The following DERA variants were observed in gnomAD, a reference collection of about 807,000 sequenced individuals.
DERA encodes the protein 2-deoxy-D-ribose 5-phosphate aldolase.
Under a neutral mutation model 41.1 loss-of-function variants are expected in DERA, and 15 were observed. That is an observed-to-expected ratio of 0.37 (90% confidence interval 0.24 to 0.56). DERA has a LOEUF of 0.56. DERA is among the 20% of genes least tolerant of loss of function. The pLI is 0.81. For synonymous variants in DERA, 139 were observed against 137.4 expected (o/e 1.01, Z -0.08); for missense variants, 396 against 403.4 (o/e 0.98, Z 0.16).
chr12:16,016,344 G>A (rs796651807), intron 6 of DERA, among the ~76,000 whole-genome samples: 1 of 152,048 alleles, frequency 6.6e-6, no homozygotes. Context: ...CATTATTTTG[G>A]AGAACCCATA....
At chr12:15,987,867 C>T (rs1022017346) in intron 6 of DERA, among the ~76,000 whole-genome samples, 1 of 152,112 alleles carries the variant, frequency 6.6e-6, no homozygotes, top group Non-Finnish European at 1.5e-5. Context: ...GCCTGGGTCG[C>T]ACAGCTGCCA....
Position 16,036,832 on chromosome 12 carries a change from A to C in DERA, c.*86A>C. ...AATTGCTAAAATTATTTAATTAAAA[A>C]ATTGGGCAGTAGGTAACTGGCATTC... On this transcript the variant is annotated 3_prime_UTR_variant, in exon 9 of 9. Coordinates refer to ENST00000428559, the MANE Select transcript of DERA (RefSeq NM_015954.4). This position sits in a 1 kb window ranked among gnomAD's most constrained non-coding sequence, Gnocchi z 4.9. 1 of 1,069,758 alleles carries C rather than the reference A, an allele frequency of 9.3e-7. No homozygotes were observed. Among genetic ancestry groups the C allele is most frequent in the Non-Finnish European group, 1.4e-6 (1 of 728,930 alleles). The allele number at this position is 1,069,758 out of a possible 1,614,324, so 66.3% of individuals were successfully genotyped here.
intron 1 of DERA, among the ~76,000 whole-genome samples, chr12:15,950,319 A>T (rs1183513147): frequency 2.0e-5 from 3 of 152,196 alleles, no homozygotes; most frequent in Non-Finnish European, 4.4e-5. Flanking sequence ...TAGACCATAT[A>T]GGGTAACTTC....
In DERA at chr12:15,957,180, A is replaced by G; in HGVS notation, c.129+147A>G. ...GACTTATTTTAATAATTCATATATG[A>G]TGATGATGGGTTGGAGAAAGATAAC... is the stretch of plus-strand genomic sequence containing the variant. On this transcript the variant is annotated intron_variant, in intron 2 of 8. Transcript: ENST00000428559. This position sits in a 1 kb window ranked among gnomAD's most constrained non-coding sequence, Gnocchi z 4.8. The G allele has an allele frequency of 1.5e-6, 1 of 663,902 alleles. No individual in the cohort carries two copies. Among genetic ancestry groups the G allele is most frequent in the East Asian group, 2.8e-5 (1 of 36,308 alleles). The allele number at this position is 663,902 out of a possible 1,614,324, so 41.1% of individuals were successfully genotyped here.
Position 15,978,137 on chromosome 12 carries a change from G to T in DERA, c.509-4171G>T, listed in dbSNP as rs1948710887. Among the ~76,000 whole-genome samples the T allele has an allele frequency of 2.0e-5, 3 of 152,072 alleles. No individual in the cohort carries two copies. In the South Asian group the frequency reaches 6.2e-4, roughly 32 times the overall value. On this transcript the variant is annotated intron_variant, in intron 5 of 8. Coordinates refer to ENST00000428559, the MANE Select transcript of DERA (RefSeq NM_015954.4). ...AAGGACATAATTTGAGATTGACTGG[G>T]TTACATTTCAGCCATCAAGCCACTT...
chr12:15,919,620 G>A (rs1018700524), intron 1 of DERA, among the ~76,000 whole-genome samples: 1 of 152,188 alleles, frequency 6.6e-6, no homozygotes, highest in Admixed American at 6.5e-5. Flanking sequence ...CTGTAACAGT[G>A]AGTTCCCTAG....
At chr12:15,920,611 G>C (rs1321818819) in intron 1 of DERA, among the ~76,000 whole-genome samples, 2 of 152,140 alleles carry the variant, frequency 1.3e-5, no homozygotes, top group African/African-American at 4.8e-5. Flanking sequence ...GAGGCGGGCG[G>C]ATCATGAGAT....
rs1949017522 is a variant in DERA, at chr12:16,021,605, G to GTT, written c.638-10935_638-10934dup. Among the ~76,000 whole-genome samples the GTT allele has an allele frequency of 6.6e-6, 1 of 152,238 alleles. No individual in the cohort carries two copies. The highest frequency in any genetic ancestry group is 1.5e-5 in the Non-Finnish European group (1 of 68,046). On this transcript the variant is annotated intron_variant, in intron 6 of 8. Transcript: ENST00000428559. The surrounding 1 kb of genome is among the most constrained non-coding windows in gnomAD (Gnocchi z 5.3). ...CCCCAGAATGGTAGAGCCACCAGCA[G>GTT]TTTGCAACTACCACATGGAAAAGCC...
rs1222153251 is a variant in DERA, at chr12:15,994,946, A to G, written c.637+12510A>G. The stretch of plus-strand genomic sequence containing the variant: ...GGGAGGGAGGGAGGAGAGGTATCTT[A>G]TTATCATCTTTTAGTAGATGAAAAC... On this transcript the variant is annotated intron_variant, in intron 6 of 8. Coordinates refer to ENST00000428559, the MANE Select transcript of DERA (RefSeq NM_015954.4). This position sits in a 1 kb window ranked among gnomAD's most constrained non-coding sequence, Gnocchi z 4.8. 6.6e-6 allele frequency among the ~76,000 whole-genome samples: 1 copy of G among 152,210 alleles called. No homozygotes were observed. The highest frequency in any genetic ancestry group is 1.5e-5 in the Non-Finnish European group (1 of 68,030).
At chr12:16,015,674 A>T (rs1236340245) in intron 6 of DERA, among the ~76,000 whole-genome samples, 1 of 152,232 alleles carries the variant, frequency 6.6e-6, no homozygotes, top group Admixed American at 6.5e-5. Context: ...TATCTATTTA[A>T]ACCAATGACG....
rs370661720 is a variant in DERA, at chr12:16,036,198, T to C, written c.751-34T>C. The C allele has an allele frequency of 5.3e-5, 81 of 1,519,870 alleles. 1 individual carries two copies. Among genetic ancestry groups the C allele is most frequent in the Non-Finnish European group, 6.5e-5 (74 of 1,132,450 alleles). The allele number at this position is 1,519,870 out of a possible 1,614,324, so 94.1% of individuals were successfully genotyped here. On this transcript the variant is annotated intron_variant, in intron 7 of 8. Transcript: ENST00000428559. This position sits in a 1 kb window ranked among gnomAD's most constrained non-coding sequence, Gnocchi z 4.9. ...ATTTTTAAAAGAAATCCAATAACAA[T>C]AAAGATTGTTCTATTCTCTGCCTTC...
At position 15,984,534 on chromosome 12, in the gene DERA, C is replaced by T. The variant is rs1012700567; in HGVS notation, c.637+2098C>T. The stretch of plus-strand genomic sequence containing the variant: ...CAGGTACATTGAAACAATATTCCTT[C>T]GTCCTCACATCAGTCCTGGAGTGGA... On this transcript the variant is annotated intron_variant, in intron 6 of 8. Coordinates refer to ENST00000428559, the MANE Select transcript of DERA (RefSeq NM_015954.4). This position sits in a 1 kb window ranked among gnomAD's most constrained non-coding sequence, Gnocchi z 4.5. Among the ~76,000 whole-genome samples the T allele has an allele frequency of 3.9e-5, 6 of 152,180 alleles. No homozygotes were observed. Among genetic ancestry groups the T allele is most frequent in the East Asian group, 1.9e-4 (1 of 5,186 alleles).
Position 15,996,010 on chromosome 12 carries a change from G to T in DERA, c.637+13574G>T, listed in dbSNP as rs1247186217. 1.3e-5 allele frequency among the ~76,000 whole-genome samples: 2 copies of T among 152,148 alleles called. No homozygotes were observed. Among genetic ancestry groups the T allele is most frequent in the Non-Finnish European group, 2.9e-5 (2 of 68,040 alleles). ...TGCGCCACATCAGGAGGTAGGAGAC[G>T]TTCGAGGCACAGGCTGAGTGAGCCT... On this transcript the variant is annotated intron_variant, in intron 6 of 8. Transcript: ENST00000428559. This position sits in a 1 kb window ranked among gnomAD's most constrained non-coding sequence, Gnocchi z 4.7.
chr12:16,028,229 C>T (rs1949066369), intron 6 of DERA, among the ~76,000 whole-genome samples: 1 of 152,116 alleles, frequency 6.6e-6, no homozygotes, highest in Non-Finnish European at 1.5e-5. Flanking sequence ...ATCTTCTAGT[C>T]TCAGAAAGTA....
rs1331249039 is a variant in DERA, at chr12:15,999,782, T to C, written c.637+17346T>C. ...TGAGTAACTCATTCATTCATTCATT[T>C]ATTCAGTCGTTAGGATTTATTGGAA... On this transcript the variant is annotated intron_variant, in intron 6 of 8. Transcript: ENST00000428559. This position sits in a 1 kb window ranked among gnomAD's most constrained non-coding sequence, Gnocchi z 5.3. Among the ~76,000 whole-genome samples, 5 of 152,208 alleles carry C rather than the reference T, an allele frequency of 3.3e-5. No homozygotes were observed. Among genetic ancestry groups the C allele is most frequent in the Non-Finnish European group, 7.3e-5 (5 of 68,046 alleles).
At chr12:16,016,852 T>C (rs1352303699) in intron 6 of DERA, among the ~76,000 whole-genome samples, 1 of 103,262 alleles carries the variant, frequency 9.7e-6, no homozygotes, top group Non-Finnish European at 2.1e-5. Context: ...ACTCTAAAAA[T>C]AGAAGTTATG....
Position 15,988,438 on chromosome 12 carries a change from G to A in DERA, c.637+6002G>A, listed in dbSNP as rs996422233. 2.6e-5 allele frequency among the ~76,000 whole-genome samples: 4 copies of A among 152,192 alleles called. No individual in the cohort carries two copies. The highest frequency in any genetic ancestry group is 4.4e-5 in the Non-Finnish European group (3 of 68,030). On this transcript the variant is annotated intron_variant, in intron 6 of 8. Transcript: ENST00000428559. The surrounding 1 kb of genome is among the most constrained non-coding windows in gnomAD (Gnocchi z 6.0). Reference sequence around the variant, plus strand: ...CTGCAGGCAGGTCATCCCAACAAGTGTCCAGCTCTCAGTAGAGAGGAGACC... The same window carrying A: ...CTGCAGGCAGGTCATCCCAACAAGTATCCAGCTCTCAGTAGAGAGGAGACC...
rs921017655 is a variant in DERA, at chr12:16,008,987, A to G, written c.638-23555A>G. ...AAAGCCTGGACTTTGAGTTAGAAAA[A>G]CATGGATTCATGACACTTACAAGCT... On this transcript the variant is annotated intron_variant, in intron 6 of 8. Transcript: ENST00000428559. This position sits in a 1 kb window ranked among gnomAD's most constrained non-coding sequence, Gnocchi z 4.8. Among the ~76,000 whole-genome samples, 2 of 152,240 alleles carry G rather than the reference A, an allele frequency of 1.3e-5. No homozygotes were observed. Among genetic ancestry groups the G allele is most frequent in the African/African-American group, 4.8e-5 (2 of 41,466 alleles).
In DERA at chr12:16,036,859, T is replaced by A. The variant is rs943151156; in HGVS notation, c.*113T>A. 7.8e-6 allele frequency: 6 copies of A among 764,898 alleles called. No homozygotes were observed. In the African/African-American group the frequency reaches 1.1e-4, roughly 14 times the overall value. The allele number at this position is 764,898 out of a possible 1,614,324, so 47.4% of individuals were successfully genotyped here. ...TTGGGCAGTAGGTAACTGGCATTCC[T>A]CTCTTTAAAATTTCTACCGAACTTA... On this transcript the variant is annotated 3_prime_UTR_variant, in exon 9 of 9. Coordinates refer to ENST00000428559, the MANE Select transcript of DERA (RefSeq NM_015954.4). This position sits in a 1 kb window ranked among gnomAD's most constrained non-coding sequence, Gnocchi z 4.9.
Sources: gnomAD v4.1 joint callset for allele counts (sites outside exome capture counted in the v4.1 genomes callset) on GRCh38, gnomAD v4.1.1 for gene constraint, Gnocchi (gnomAD v3.1) non-coding constraint, MANE v1.5 for transcripts, NCBI Gene and HGNC (gene_info 2026-07-23, HGNC 2026-07-21) for gene names.